KLF14: variants seen among roughly 807,000 people sequenced by gnomAD.
The protein encoded by KLF14 is Krueppel-like factor 14.
In KLF14, 13 loss-of-function variants were observed where a neutral mutation model predicts 16.2. That is an observed-to-expected ratio of 0.80 (90% confidence interval 0.52 to 1.28). KLF14 has a LOEUF of 1.28. Among genes scored for constraint, KLF14 ranks in the 50% most tolerant of loss-of-function variants. KLF14 has a pLI of 0.00. For missense variants in KLF14, 571 were observed against 493.4 expected (o/e 1.16, Z -1.49); for synonymous variants, 276 against 233.7 (o/e 1.18, Z -1.65).
Position 130,732,849 on chromosome 7 carries a change from T to C in KLF14, c.*213A>G. 3.4e-6 allele frequency: 2 copies of C among 584,448 alleles called. No homozygotes were observed. The highest frequency in any genetic ancestry group is 5.3e-5 in the South Asian group (2 of 37,912). 36.2% of individuals were successfully genotyped at this position (584,448 alleles called of 1,614,324 possible). A position where few individuals can be genotyped will look rare whatever the true frequency, so the allele number is the denominator to read the frequency against. ...GCTGTCTTGAGGCAACCCCCACTTTTAGGATGATATACACGTTGCAAGAAT... is the reference window on the plus strand; with the variant it reads ...GCTGTCTTGAGGCAACCCCCACTTTCAGGATGATATACACGTTGCAAGAAT... On this transcript the variant is annotated 3_prime_UTR_variant, in exon 1 of 1. Coordinates refer to ENST00000583337, the MANE Select transcript of KLF14 (RefSeq NM_138693.4).
Position 130,733,820 on chromosome 7 carries a change from G to A in KLF14, c.214C>T (p.Pro72Ser). 7.0e-7 allele frequency: 1 copy of A among 1,422,020 alleles called. No homozygotes were observed. 88.1% of individuals were successfully genotyped at this position (1,422,020 alleles called of 1,614,324 possible). Residue 72 changes from proline to serine, a missense_variant, in exon 1 of 1, where the codon CCC becomes TCC. Pro to Ser is a moderately conservative substitution (Grantham distance 74, BLOSUM62 -1). Coordinates refer to ENST00000583337, the MANE Select transcript of KLF14 (RefSeq NM_138693.4). This position sits in a 1 kb window ranked among gnomAD's most constrained non-coding sequence, Gnocchi z 5.2. ...GCGGCGCCGCCCGCGCCGGGGCTGGGGGCGGGGACCTGCGGGAGCTGGGGG... is the reference window on the plus strand; with the variant it reads ...GCGGCGCCGCCCGCGCCGGGGCTGGAGGCGGGGACCTGCGGGAGCTGGGGG... Reference protein sequence around the residue: ...SVPQLPQVPAPSPGAGGAAPH... With the variant: ...SVPQLPQVPASSPGAGGAAPH...
Position 130,731,510 on chromosome 7 carries a change from A to G in KLF14, c.*1552T>C, listed in dbSNP as rs1335756352. 20 of 152,342 alleles carry G rather than the reference A, an allele frequency of 1.3e-4. No homozygotes were observed. The highest frequency in any genetic ancestry group is 4.6e-4 in the African/African-American group (19 of 41,572). The allele number at this position is 152,342 out of a possible 1,614,324, so 9.4% of individuals were successfully genotyped here. A position where few individuals can be genotyped will look rare whatever the true frequency, so the allele number is the denominator to read the frequency against. ...ATGGCTCTTCCCAGCAACCTAGCAT[A>G]TGACTTTGAGCTTATCTAGTCTTCA... is the stretch of plus-strand genomic sequence containing the variant. On this transcript the variant is annotated 3_prime_UTR_variant, in exon 1 of 1. Coordinates refer to ENST00000583337, the MANE Select transcript of KLF14 (RefSeq NM_138693.4).
At position 130,733,765 on chromosome 7, in the gene KLF14, G is replaced by T. The variant is rs782035857; in HGVS notation, c.269C>A (p.Ala90Glu). 7 of 1,520,482 alleles carry T rather than the reference G, an allele frequency of 4.6e-6. No individual in the cohort carries two copies. The Admixed American group carries it at 8.0e-5, about 17-fold the overall frequency. 94.2% of individuals were successfully genotyped at this position (1,520,482 alleles called of 1,614,324 possible). Residue 90 changes from alanine to glutamate, a missense_variant, in exon 1 of 1, where the codon GCG (alanine) becomes GAG (glutamate). By Grantham distance (107) the Ala-to-Glu change is moderately radical. Coordinates refer to ENST00000583337, the MANE Select transcript of KLF14 (RefSeq NM_138693.4). The surrounding 1 kb of genome is among the most constrained non-coding windows in gnomAD (Gnocchi z 5.2). ...CTCGCCAGAGCTGCCGCGCAAGTCC[G>T]CCCAGACGCTTGCAGCCAGCAGGTG... ...APHLLAASVW[A>E]DLRGSSGEGS...
chr7:130,733,314 G>A lies in KLF14; in HGVS notation c.720C>T (p.Asp240=), dbSNP rs1458438283. Residue 240 remains aspartate, a synonymous_variant, in exon 1 of 1, where the codon GAC becomes GAT. Transcript: ENST00000583337. The surrounding 1 kb of genome is among the most constrained non-coding windows in gnomAD (Gnocchi z 5.2). ...GCGTCCTGTAGTGGCGGGCCAGCTC[G>A]TCGGAACGCGTAAACTTCTTGTCGC... ...LDCDKKFTRS[D]ELARHYRTHT... is the part of the protein sequence containing the mutation. 4 of 1,607,574 alleles carry A rather than the reference G, an allele frequency of 2.5e-6. No individual in the cohort carries two copies. The Admixed American group carries it at 5.1e-5, about 20-fold the overall frequency.
chr7:130,733,384 C>T lies in KLF14; in HGVS notation c.650G>A (p.Arg217His). 2 of 1,614,074 alleles carry T rather than the reference C, an allele frequency of 1.2e-6. No homozygotes were observed. Among genetic ancestry groups the T allele is most frequent in the South Asian group, 1.1e-5 (1 of 91,072 alleles). Residue 217 changes from arginine (R) to histidine (H), a missense_variant, in exon 1 of 1, where the codon CGC becomes CAC. Arg to His is a conservative substitution (Grantham distance 29). Transcript: ENST00000583337. The surrounding 1 kb of genome is among the most constrained non-coding windows in gnomAD (Gnocchi z 5.2). ...GAAAGGGCGCTCACCCGTGTGGGTG[C>T]GCTGGTGGGACTTGAGGTGCGACGA... ...YKSSHLKSHQ[R>H]THTGERPFSC...
Position 130,733,712 on chromosome 7 carries a change from G to C in KLF14, c.322C>G (p.Pro108Ala). ...EGSWENSGEA[P>A]RASSGFSDPI... ...TCGGAGAAGCCGGACGAGGCGCGTG[G>C]AGCTTCCCCCGAGTTCTCCCAGGAG... Residue 108 changes from proline (P) to alanine (A), a missense_variant, in exon 1 of 1, where the codon CCA becomes GCA. By Grantham distance (27) the Pro-to-Ala change is conservative. Coordinates refer to ENST00000583337, the MANE Select transcript of KLF14 (RefSeq NM_138693.4). The surrounding 1 kb of genome is among the most constrained non-coding windows in gnomAD (Gnocchi z 5.2). 3.8e-6 allele frequency: 6 copies of C among 1,565,020 alleles called. No individual in the cohort carries two copies. Among genetic ancestry groups the C allele is most frequent in the Non-Finnish European group, 4.3e-6 (5 of 1,161,738 alleles).
At position 130,733,900 on chromosome 7, in the gene KLF14, G is replaced by A. The variant is rs1554471165; in HGVS notation, c.134C>T (p.Ala45Val). Reference protein sequence around the residue: ...AGGAAGSEVGAAPPESALPGP... With the variant: ...AGGAAGSEVGVAPPESALPGP... ...CGGCAGAGCGGACTCCGGCGGCGCC[G>A]CACCCACCTCCGAGCCAGCGGCTCC... Residue 45 changes from alanine to valine, a missense_variant, in exon 1 of 1, where the codon GCG (alanine) becomes GTG (valine). Ala to Val is a moderately conservative substitution (Grantham distance 64). Coordinates refer to ENST00000583337, the MANE Select transcript of KLF14 (RefSeq NM_138693.4). This position sits in a 1 kb window ranked among gnomAD's most constrained non-coding sequence, Gnocchi z 5.2. 1 of 1,344,704 alleles carries A rather than the reference G, an allele frequency of 7.4e-7. No homozygotes were observed. The highest frequency in any genetic ancestry group is 9.5e-7 in the Non-Finnish European group (1 of 1,049,940). The allele number at this position is 1,344,704 out of a possible 1,614,324, so 83.3% of individuals were successfully genotyped here.
In KLF14 at chr7:130,731,989, C is replaced by T. The variant is rs1797194892; in HGVS notation, c.*1073G>A. On this transcript the variant is annotated 3_prime_UTR_variant, in exon 1 of 1. Coordinates refer to ENST00000583337, the MANE Select transcript of KLF14 (RefSeq NM_138693.4). ...GTCTGTTACCCTTCCCTCTCCCACCCACCAACTCACCTGTTTCAGAAACGA... is the reference window on the plus strand; with the variant it reads ...GTCTGTTACCCTTCCCTCTCCCACCTACCAACTCACCTGTTTCAGAAACGA... 1 of 152,200 alleles carries T rather than the reference C, an allele frequency of 6.6e-6. No homozygotes were observed. 9.4% of individuals were successfully genotyped at this position (152,200 alleles called of 1,614,324 possible).
rs1554470689 is a variant in KLF14, at chr7:130,732,454, G to A, written c.*608C>T. On this transcript the variant is annotated 3_prime_UTR_variant, in exon 1 of 1. Coordinates refer to ENST00000583337, the MANE Select transcript of KLF14 (RefSeq NM_138693.4). ...AGCCACACATCTACATGGAGCTTAT[G>A]TGGCCTCTCCTAGCAGAGGTAGCTG... 6.6e-6 allele frequency: 1 copy of A among 152,424 alleles called. No individual in the cohort carries two copies. The highest frequency in any genetic ancestry group is 2.4e-5 in the African/African-American group (1 of 41,452). The allele number at this position is 152,424 out of a possible 1,614,324, so 9.4% of individuals were successfully genotyped here. A position where few individuals can be genotyped will look rare whatever the true frequency, so the allele number is the denominator to read the frequency against.
At position 130,732,930 on chromosome 7, in the gene KLF14, C is replaced by T. The variant is rs1797216102; in HGVS notation, c.*132G>A. On this transcript the variant is annotated 3_prime_UTR_variant, in exon 1 of 1. Transcript: ENST00000583337. Reference sequence around the variant, plus strand: ...CCAGAGTCCACATGTCTGCCTGGACCCACCCTCAGAGCAGAGGAACCAGTC... The same window carrying T: ...CCAGAGTCCACATGTCTGCCTGGACTCACCCTCAGAGCAGAGGAACCAGTC... 1 of 1,187,378 alleles carries T rather than the reference C, an allele frequency of 8.4e-7. No homozygotes were observed. The highest frequency in any genetic ancestry group is 1.1e-6 in the Non-Finnish European group (1 of 869,604). The allele number at this position is 1,187,378 out of a possible 1,614,324, so 73.6% of individuals were successfully genotyped here. A position where few individuals can be genotyped will look rare whatever the true frequency, so the allele number is the denominator to read the frequency against.
rs782655846 is a variant in KLF14 at position 130,733,107 on chromosome 7, G to A, written c.927C>T (p.Ser309=). 1 of 1,585,878 alleles carries A rather than the reference G, an allele frequency of 6.3e-7. No individual in the cohort carries two copies. The highest frequency in any genetic ancestry group is 8.6e-7 in the Non-Finnish European group (1 of 1,164,714). The change falls in exon 1 of 1, where the codon TCC becomes TCT. Residue 309 remains serine (S), a synonymous_variant. Coordinates refer to ENST00000583337, the MANE Select transcript of KLF14 (RefSeq NM_138693.4). The surrounding 1 kb of genome is among the most constrained non-coding windows in gnomAD (Gnocchi z 5.2). ...PLTSEVESSA[S]GSGPGPAPSF... is the part of the protein sequence containing the mutation. ...TGGGCGCCGGGCCGGGACCGGAGCC[G>A]GAGGCGGAGCTTTCCACCTCGCTGG...
In KLF14 at chr7:130,733,183, A is replaced by G. The variant is rs1797222775; in HGVS notation, c.851T>C (p.Met284Thr). ...ARRHPTYHPDMIEYRGRRRTP... is the reference protein window; with the variant it reads ...ARRHPTYHPDTIEYRGRRRTP... ...TCGACGACGTCCCCGGTACTCGATC[A>G]TATCTGGATGATAGGTTGGGTGGCG... The change falls in exon 1 of 1, where the codon ATG (methionine) becomes ACG (threonine). Residue 284 changes from methionine to threonine, a missense_variant. Met to Thr is a moderately conservative substitution (Grantham distance 81). Coordinates refer to ENST00000583337, the MANE Select transcript of KLF14 (RefSeq NM_138693.4). This position sits in a 1 kb window ranked among gnomAD's most constrained non-coding sequence, Gnocchi z 5.2. The G allele has an allele frequency of 6.3e-7, 1 of 1,596,964 alleles. No individual in the cohort carries two copies. Among genetic ancestry groups the G allele is most frequent in the Non-Finnish European group, 8.5e-7 (1 of 1,172,058 alleles).
At position 130,731,474 on chromosome 7, in the gene KLF14, A is replaced by C. The variant is rs1461668326; in HGVS notation, c.*1588T>G. 6.6e-6 allele frequency: 1 copy of C among 151,966 alleles called. No homozygotes were observed. Among genetic ancestry groups the C allele is most frequent in the Non-Finnish European group, 1.5e-5 (1 of 67,994 alleles). 9.4% of individuals were successfully genotyped at this position (151,966 alleles called of 1,614,324 possible). ...GAGTCACTTAGCAGGCCAGACACCT[A>C]AGTTCTAGTCATGGCTCTTCCCAGC... On this transcript the variant is annotated 3_prime_UTR_variant, in exon 1 of 1. Coordinates refer to ENST00000583337, the MANE Select transcript of KLF14 (RefSeq NM_138693.4).
Position 130,733,202 on chromosome 7 carries a change from G to A in KLF14, c.832C>T (p.Pro278Ser), listed in dbSNP as rs376502775. Reference protein sequence around the residue: ...DHLTKHARRHPTYHPDMIEYR... With the variant: ...DHLTKHARRHSTYHPDMIEYR... Reference sequence around the variant, plus strand: ...TCGATCATATCTGGATGATAGGTTGGGTGGCGGCGAGCATGCTTGGTCAGG... The same window carrying A: ...TCGATCATATCTGGATGATAGGTTGAGTGGCGGCGAGCATGCTTGGTCAGG... The change falls in exon 1 of 1, where the codon CCA becomes TCA. Residue 278 changes from proline to serine, a missense_variant. Pro to Ser is a moderately conservative substitution (Grantham distance 74). Transcript: ENST00000583337. This position sits in a 1 kb window ranked among gnomAD's most constrained non-coding sequence, Gnocchi z 5.2. 7.5e-6 allele frequency: 12 copies of A among 1,603,700 alleles called. No homozygotes were observed. Among genetic ancestry groups the A allele is most frequent in the Non-Finnish European group, 1.0e-5 (12 of 1,175,360 alleles).
Position 130,734,015 on chromosome 7 carries a change from A to T in KLF14, c.19T>A (p.Cys7Ser). The change falls in exon 1 of 1, where the codon TGC (cysteine) becomes AGC (serine). Residue 7 changes from cysteine (C) to serine (S), a missense_variant. Cys to Ser is a moderately radical substitution (Grantham distance 112). Coordinates refer to ENST00000583337, the MANE Select transcript of KLF14 (RefSeq NM_138693.4). This position sits in a 1 kb window ranked among gnomAD's most constrained non-coding sequence, Gnocchi z 4.4. MSAAVA[C>S]LDYFAAECLV... ...CACTCGGCGGCGAAGTAGTCCAGGC[A>T]CGCCACGGCGGCCGACATGCTGGGA... The T allele has an allele frequency of 7.5e-7, 1 of 1,325,704 alleles. No individual in the cohort carries two copies. Among genetic ancestry groups the T allele is most frequent in the Non-Finnish European group, 9.7e-7 (1 of 1,033,232 alleles). The allele number at this position is 1,325,704 out of a possible 1,614,324, so 82.1% of individuals were successfully genotyped here.
At position 130,731,625 on chromosome 7, in the gene KLF14, C is replaced by G. The variant is rs1303362805; in HGVS notation, c.*1437G>C. ...AGATTACAGCATCTTCCCCAAGTGT[C>G]AGTGATGGACTATTGCAAAATATTC... is the stretch of plus-strand genomic sequence containing the variant. On this transcript the variant is annotated 3_prime_UTR_variant, in exon 1 of 1. Coordinates refer to ENST00000583337, the MANE Select transcript of KLF14 (RefSeq NM_138693.4). 1 of 152,136 alleles carries G rather than the reference C, an allele frequency of 6.6e-6. No homozygotes were observed. The highest frequency in any genetic ancestry group is 1.5e-5 in the Non-Finnish European group (1 of 68,066). 9.4% of individuals were successfully genotyped at this position (152,136 alleles called of 1,614,324 possible). A position where few individuals can be genotyped will look rare whatever the true frequency, so the allele number is the denominator to read the frequency against.
chr7:130,733,446 T>G lies in KLF14; in HGVS notation c.588A>C (p.Gln196His), dbSNP rs200424612. The G allele has an allele frequency of 2.3e-4, 372 of 1,613,596 alleles. 3 individuals carry two copies. The highest frequency in any genetic ancestry group is 2.1e-5 in the Non-Finnish European group (25 of 1,179,946). The change falls in exon 1 of 1, where the codon CAA (glutamine) becomes CAC (histidine). Residue 196 changes from glutamine to histidine, a missense_variant. Coordinates refer to ENST00000583337, the MANE Select transcript of KLF14 (RefSeq NM_138693.4). This position sits in a 1 kb window ranked among gnomAD's most constrained non-coding sequence, Gnocchi z 5.2. ...RSVTPAAKRH[Q>H]CPFPGCTKAY... ...CTTTGGTGCAGCCCGGGAAGGGGCA[T>G]TGGTGGCGCTTGGCAGCAGGTGTGA... is the stretch of plus-strand genomic sequence containing the variant.
Position 130,733,848 on chromosome 7 carries a change from C to T in KLF14, c.186G>A (p.Ser62=), listed in dbSNP as rs1554471119. 1 of 1,352,948 alleles carries T rather than the reference C, an allele frequency of 7.4e-7. No individual in the cohort carries two copies. Among genetic ancestry groups the T allele is most frequent in the Non-Finnish European group, 9.4e-7 (1 of 1,063,246 alleles). The allele number at this position is 1,352,948 out of a possible 1,614,324, so 83.8% of individuals were successfully genotyped here. The part of the protein sequence containing the change: ...LPGPGPPGPA[S]VPQLPQVPAP... ...CGGGGACCTGCGGGAGCTGGGGGAC[C>T]GACGCGGGCCCCGGTGGCCCCGGAC... The change falls in exon 1 of 1, where the codon TCG becomes TCA. Residue 62 remains serine, a synonymous_variant. Coordinates refer to ENST00000583337, the MANE Select transcript of KLF14 (RefSeq NM_138693.4). This position sits in a 1 kb window ranked among gnomAD's most constrained non-coding sequence, Gnocchi z 5.2.
rs1477393734 is a variant in KLF14, at chr7:130,731,489, C to T, written c.*1573G>A. Reference sequence around the variant, plus strand: ...CCAGACACCTAAGTTCTAGTCATGGCTCTTCCCAGCAACCTAGCATATGAC... The same window carrying T: ...CCAGACACCTAAGTTCTAGTCATGGTTCTTCCCAGCAACCTAGCATATGAC... On this transcript the variant is annotated 3_prime_UTR_variant, in exon 1 of 1. Transcript: ENST00000583337. 13 of 151,860 alleles carry T rather than the reference C, an allele frequency of 8.6e-5. No individual in the cohort carries two copies. Among genetic ancestry groups the T allele is most frequent in the African/African-American group, 3.1e-4 (13 of 41,334 alleles). 9.4% of individuals were successfully genotyped at this position (151,860 alleles called of 1,614,324 possible).
Sources: gnomAD v4.1 joint callset for allele counts on GRCh38, gnomAD v4.1.1 for gene constraint, Gnocchi (gnomAD v3.1) non-coding constraint, MANE v1.5 for transcripts, NCBI Gene and HGNC (gene_info 2026-07-23, HGNC 2026-07-21) for gene names.